The following CAPG variants were observed in gnomAD, a reference collection of about 807,000 sequenced individuals.
CAPG encodes capping actin protein, gelsolin like, also known as macrophage-capping protein.
Under a neutral mutation model 44.6 loss-of-function variants are expected in CAPG, and 32 were observed. The ratio of observed to expected loss-of-function variants is 0.72; its 90% CI spans 0.54 to 0.96. CAPG has a LOEUF of 0.96. Among genes scored for constraint, CAPG ranks in the 50% least tolerant of loss-of-function variants. The pLI, the probability that CAPG is intolerant of heterozygous loss-of-function variation, is 0.00. For synonymous variants in CAPG, 175 were observed against 179.6 expected (o/e 0.97, Z 0.20); for missense variants, 412 against 438.3 (o/e 0.94, Z 0.54).
Position 85,401,712 on chromosome 2 carries a change from G to C in CAPG, c.197-29C>G, listed in dbSNP as rs531742845. 3 of 1,613,970 alleles carry C rather than the reference G, an allele frequency of 1.9e-6. No homozygotes were observed. The African/African-American group carries it at 4.0e-5, about 22-fold the overall frequency. The stretch of plus-strand genomic sequence containing the variant: ...GGACAAGTGGGAGAGGGCAGGGCAA[G>C]GCCCTTGTGATCCATACCAGCCCCC... On this transcript the variant is annotated intron_variant, in intron 3 of 9. Coordinates refer to ENST00000263867, the MANE Select transcript of CAPG (RefSeq NM_001747.4).
At chr2:85,400,616 T>C (rs1043929433) in intron 5 of CAPG, among the ~76,000 whole-genome samples, 3 of 152,140 alleles carry the variant, frequency 2.0e-5, no homozygotes, top group Non-Finnish European at 4.4e-5. Flanking sequence ...TCAGCTCACC[T>C]TCTCCCTTTG....
At chr2:85,392,890 C>T (rs1032168383), downstream of CAPG, among the ~76,000 whole-genome samples, 3 of 152,144 alleles carry the variant, frequency 2.0e-5, no homozygotes, top group Non-Finnish European at 2.9e-5. Context: ...CCACCATCCA[C>T]CTGTTTAGTG....
chr2:85,401,751 T>G (rs199693005), intron 3 of CAPG, 34 bp downstream of exon 3: 1 of 1,611,690 alleles, frequency 6.2e-7, no homozygotes, highest in Non-Finnish European at 8.5e-7. Context: ...CTCCCCTTCC[T>G]GGGCCCAACC....
chr2:85,399,740 CTTTTTTTTTT>C (rs765588444), intron 5 of CAPG, among the ~76,000 whole-genome samples: 1 of 127,590 alleles, frequency 7.8e-6, no homozygotes, highest in African/African-American at 3.0e-5. Context: ...CTTTCTTTTT[CTTTTTTTTTT>C]TTTTTTTTGA....
upstream of CAPG, chr2:85,418,847 C>G (rs1243262995): frequency 1.3e-5 from 2 of 152,472 alleles, no homozygotes; most frequent in African/African-American, 2.4e-5. Flanking sequence ...CTCCCCACCC[C>G]TGCACGCGCC....
At chr2:85,404,008 T>C (rs1050895216) in intron 1 of CAPG, among the ~76,000 whole-genome samples, 7 of 151,850 alleles carry the variant, frequency 4.6e-5, no homozygotes, top group African/African-American at 1.7e-4. Flanking sequence ...TGGTTTAATA[T>C]CTGAAAATCA....
At chr2:85,400,020 C>T (rs1003808921) in intron 5 of CAPG, among the ~76,000 whole-genome samples, 2 of 152,150 alleles carry the variant, frequency 1.3e-5, no homozygotes, top group African/African-American at 4.8e-5. Flanking sequence ...GGATTACAGG[C>T]GTGAGCAGCC....
In CAPG at chr2:85,417,475, CTCT is replaced by C. The variant is rs1687583500; in HGVS notation, c.-14+789_-14+791del. 4.2e-5 allele frequency among the ~76,000 whole-genome samples: 6 copies of C among 143,624 alleles called. No homozygotes were observed. In the South Asian group the frequency reaches 1.1e-3, roughly 26 times the overall value. 94.2% of individuals were successfully genotyped at this position (143,624 alleles called of 152,430 possible). ...TTTCACATGCAAACAGCTATCTCAG[CTCT>C]TTTTTTTTTTTTTTTTTTTTTTGAG... On this transcript the variant is annotated intron_variant, in intron 1 of 5. Transcript: ENST00000409275.
chr2:85,399,586 G>C (rs1287537144), intron 5 of CAPG, among the ~76,000 whole-genome samples: 1 of 152,166 alleles, frequency 6.6e-6, no homozygotes, highest in Non-Finnish European at 1.5e-5. Flanking sequence ...GACGTCATGG[G>C]CTCAAGCAAT....
intron 1 of CAPG, among the ~76,000 whole-genome samples, 191 bp from the exon 2 acceptor site, chr2:85,402,349 T>A (rs989507639): frequency 2.0e-5 from 3 of 152,040 alleles, no homozygotes; most frequent in African/African-American, 7.2e-5. Flanking sequence ...ACACAGCTAG[T>A]GAGTGGTTCA....
intron 1 of CAPG, among the ~76,000 whole-genome samples, chr2:85,416,002 C>A (rs1278271605): frequency 6.6e-6 from 1 of 152,098 alleles, no homozygotes; most frequent in African/African-American, 2.4e-5. Flanking sequence ...CAGGAGTGAG[C>A]CACTGTGCCC....
At chr2:85,403,657 G>C (rs1051264606) in intron 1 of CAPG, among the ~76,000 whole-genome samples, 2 of 152,140 alleles carry the variant, frequency 1.3e-5, no homozygotes, top group East Asian at 3.8e-4. Flanking sequence ...GGGAGGCCAA[G>C]GTGGGTGGAT....
intron 1 of CAPG, among the ~76,000 whole-genome samples, chr2:85,416,237 A>T (rs1687549497): frequency 6.6e-6 from 1 of 151,848 alleles, no homozygotes; most frequent in Non-Finnish European, 1.5e-5. Flanking sequence ...CGGGGTATGG[A>T]CTCATTTCCA....
In CAPG at chr2:85,401,197, T is replaced by C; in HGVS notation, c.484A>G (p.Thr162Ala). 2.5e-6 allele frequency: 4 copies of C among 1,614,114 alleles called. No individual in the cohort carries two copies. The highest frequency in any genetic ancestry group is 3.4e-6 in the Non-Finnish European group (4 of 1,180,004). The part of the protein sequence containing the change: ...ERALNWDSFN[T>A]GDCFILDLGQ... ...AGGTCCAGGATGAAGCAGTCCCCAG[T>C]GTTGAAGCTGTCCCAGTTCAGTGCC... Residue 162 changes from threonine (T) to alanine (A), a missense_variant, in exon 5 of 10, where the codon ACT becomes GCT. Thr to Ala is a moderately conservative substitution (Grantham distance 58). Transcript: ENST00000263867.
Position 85,395,630 on chromosome 2 carries a change from G to C in CAPG, c.893-4C>G, listed in dbSNP as rs754287016. ...TCCTTCTCATTCGCTTTTCGCCCTA[G>C]ATCATAGGAAGGAGATTTTTAAAAA... On this transcript the variant is annotated splice_region_variant and splice_polypyrimidine_tract_variant and intron_variant, in intron 8 of 9. Coordinates refer to ENST00000263867, the MANE Select transcript of CAPG (RefSeq NM_001747.4). This position sits in a 1 kb window ranked among gnomAD's most constrained non-coding sequence, Gnocchi z 4.3. 12 of 1,610,758 alleles carry C rather than the reference G, an allele frequency of 7.4e-6. No individual in the cohort carries two copies. The South Asian group carries it at 8.8e-5, about 12-fold the overall frequency.
chr2:85,406,065 G>A (rs1687135783), intron 1 of CAPG, among the ~76,000 whole-genome samples: 1 of 152,150 alleles, frequency 6.6e-6, no homozygotes, highest in Non-Finnish European at 1.5e-5. Context: ...ACTTTGGGAG[G>A]CCGTGGTGAG....
At chr2:85,408,101 G>C in intron 1 of CAPG, among the ~76,000 whole-genome samples, 1 of 152,076 alleles carries the variant, frequency 6.6e-6, no homozygotes, top group East Asian at 1.9e-4. Flanking sequence ...CCAGAACTTT[G>C]GAAGGCTGAG....
Position 85,398,251 on chromosome 2 carries a change from G to A in CAPG, c.760-99C>T, listed in dbSNP as rs1050218522. On this transcript the variant is annotated intron_variant, in intron 7 of 9. Coordinates refer to ENST00000263867, the MANE Select transcript of CAPG (RefSeq NM_001747.4). ...TGGTCCTCCCTAGGTCCCTCCCACT[G>A]TGCCTCGCTGCCCACTGCCCAGGTC... 9 of 1,380,306 alleles carry A rather than the reference G, an allele frequency of 6.5e-6. No individual in the cohort carries two copies. In the African/African-American group the frequency reaches 1.2e-4, roughly 18 times the overall value. 85.5% of individuals were successfully genotyped at this position (1,380,306 alleles called of 1,614,324 possible).
intron 1 of CAPG, among the ~76,000 whole-genome samples, chr2:85,403,007 G>C (rs1347847401): frequency 6.6e-6 from 1 of 152,084 alleles, no homozygotes; most frequent in African/African-American, 2.4e-5. Context: ...CTGACCTCAG[G>C]TGATTCACGC....
Sources: allele counts gnomAD v4.1 joint callset (sites outside exome capture counted in the v4.1 genomes callset), GRCh38; gene constraint gnomAD v4.1.1; non-coding constraint Gnocchi (gnomAD v3.1); transcripts MANE v1.5; gene names NCBI Gene and HGNC (gene_info 2026-07-23, HGNC 2026-07-21).